Variants in KCNE1 observed in about 807,000 individuals in gnomAD.
The protein encoded by KCNE1 is potassium voltage-gated channel subfamily E member 1.
A neutral mutation model predicts 2.9 loss-of-function variants in KCNE1; 1 was observed. The ratio of observed to expected loss-of-function variants is 0.34; its 90% CI spans 0.12 to 1.62. The LOEUF (loss-of-function observed/expected upper bound fraction) is 1.62. Among genes scored for constraint, KCNE1 ranks in the 40% most tolerant of loss-of-function variants. The probability of loss-of-function intolerance (pLI) is 0.36; values close to 1 mark genes in which losing one functional copy is unlikely to be tolerated. For missense variants in KCNE1, 45 were observed against 150.5 expected (o/e 0.30, Z 3.67); for synonymous variants, 23 against 65.4 (o/e 0.35, Z 3.13).
intron 2 of KCNE1, among the ~76,000 whole-genome samples, chr21:34,502,224 C>T (rs1222159545): frequency 6.6e-6 from 1 of 152,190 alleles, no homozygotes; most frequent in East Asian, 1.9e-4. Context: ...GTAGTCTACT[C>T]CTTCCTTTTG....
chr21:34,511,406 G>A (rs1180993047), intron 1 of KCNE1, 91 bp from the exon 2 acceptor site: 12 of 505,232 alleles, frequency 2.4e-5, no homozygotes, highest in Non-Finnish European at 2.8e-5. Flanking sequence ...AGTCATGAGG[G>A]CTCCACCCTT....
Position 34,450,081 on chromosome 21 carries a change from G to A in KCNE1, c.-50-397C>T, listed in dbSNP as rs1981132113. Among the ~76,000 whole-genome samples, 2 of 93,126 alleles carry A rather than the reference G, an allele frequency of 2.1e-5. 1 individual carries two copies. The highest frequency in any genetic ancestry group is 7.9e-4 in the East Asian group (2 of 2,526). The allele number at this position is 93,126 out of a possible 152,430, so 61.1% of individuals were successfully genotyped here. On this transcript the variant is annotated intron_variant, in intron 3 of 3. Transcript: ENST00000399286. ...TTGTGGCTCACTTGCGGTGCTGGGT[G>A]TGTGCATTCCCTTGCTTCCAATGTT...
At chr21:34,507,059 A>G (rs539587587) in intron 2 of KCNE1, among the ~76,000 whole-genome samples, 5 of 152,212 alleles carry the variant, frequency 3.3e-5, no homozygotes, top group African/African-American at 1.2e-4. Context: ...ACATGGATGC[A>G]TGTTAGGAGG....
intron 2 of KCNE1, among the ~76,000 whole-genome samples, chr21:34,496,628 T>C (rs539390793): frequency 4.2e-4 from 64 of 152,228 alleles, no homozygotes; most frequent in Non-Finnish European, 8.5e-4. Context: ...AAAGAATGTT[T>C]ATTCTGCAGT....
At chr21:34,504,296 C>T (rs1983344807) in intron 2 of KCNE1, among the ~76,000 whole-genome samples, 1 of 152,162 alleles carries the variant, frequency 6.6e-6, no homozygotes, top group Non-Finnish European at 1.5e-5. Context: ...CAAACCAAAC[C>T]TAATAGCCAA....
At position 34,503,728 on chromosome 21, in the gene KCNE1, T is replaced by C. The variant is rs532606720; in HGVS notation, c.-162+7373A>G. ...ACCAAATATGTATTTCACAATATTA[T>C]AGCTGCCATCAGCCATGGGTGAGTT... is the stretch of plus-strand genomic sequence containing the variant. On this transcript the variant is annotated intron_variant, in intron 2 of 3. Transcript: ENST00000399286. 1.1e-4 allele frequency among the ~76,000 whole-genome samples: 16 copies of C among 152,372 alleles called. No homozygotes were observed. In the South Asian group the frequency reaches 1.7e-3, roughly 16 times the overall value.
At chr21:34,495,902 T>C (rs531939991) in intron 2 of KCNE1, among the ~76,000 whole-genome samples, 78 of 152,336 alleles carry the variant, frequency 5.1e-4, no homozygotes, top group African/African-American at 1.8e-3. Context: ...ATCTTTGTTA[T>C]TTCTTTTCTT....
At chr21:34,504,555 C>T (rs1434598741) in intron 2 of KCNE1, among the ~76,000 whole-genome samples, 1 of 152,192 alleles carries the variant, frequency 6.6e-6, no homozygotes, top group Non-Finnish European at 1.5e-5. Context: ...CAATTCCACT[C>T]CTACATATAT....
intron 2 of KCNE1, among the ~76,000 whole-genome samples, chr21:34,503,309 C>T (rs1389635558): frequency 6.6e-6 from 1 of 152,140 alleles, no homozygotes; most frequent in East Asian, 1.9e-4. Context: ...AATAAACAGC[C>T]AGCTGAAAGG....
chr21:34,503,533 T>G (rs1014261238), intron 2 of KCNE1, among the ~76,000 whole-genome samples: 2 of 152,042 alleles, frequency 1.3e-5, no homozygotes, highest in Middle Eastern at 3.2e-3. Context: ...CACCCTGGAG[T>G]TTGGAAGTGG....
At chr21:34,498,450 C>A (rs1982942060) in intron 2 of KCNE1, among the ~76,000 whole-genome samples, 1 of 152,238 alleles carries the variant, frequency 6.6e-6, no homozygotes, top group Non-Finnish European at 1.5e-5. Context: ...GGGAGCCAGA[C>A]TGCAGTAATT....
intron 2 of KCNE1, among the ~76,000 whole-genome samples, chr21:34,508,634 C>T (rs564501724): frequency 6.6e-5 from 10 of 152,308 alleles, no homozygotes; most frequent in Admixed American, 3.3e-4. Context: ...TGAGCCACCG[C>T]GCCCAGACTG....
chr21:34,508,053 G>T (rs1601106625), intron 2 of KCNE1, among the ~76,000 whole-genome samples: 1 of 151,956 alleles, frequency 6.6e-6, no homozygotes, highest in African/African-American at 2.4e-5. Context: ...TTGAGACAGG[G>T]TCTTGCTCTG....
chr21:34,497,404 T>A (rs994318302), intron 2 of KCNE1, among the ~76,000 whole-genome samples: 42 of 152,218 alleles, frequency 2.8e-4, no homozygotes, highest in Non-Finnish European at 8.8e-5. Flanking sequence ...AGCATTTATT[T>A]GTCTGAAAAA....
chr21:34,496,219 G>A (rs530002997), intron 2 of KCNE1, among the ~76,000 whole-genome samples: 7 of 152,034 alleles, frequency 4.6e-5, no homozygotes, highest in East Asian at 1.9e-4. Context: ...GACTACAGGC[G>A]CCTGCCACCA....
chr21:34,501,543 A>G (rs945672133), intron 2 of KCNE1, among the ~76,000 whole-genome samples: 27 of 152,212 alleles, frequency 1.8e-4, no homozygotes, highest in Admixed American at 1.6e-3. Flanking sequence ...GTATGATATC[A>G]TCCCTATTGG....
At position 34,507,162 on chromosome 21, in the gene KCNE1, G is replaced by A. The variant is rs563134877; in HGVS notation, c.-162+3939C>T. 5.9e-5 allele frequency among the ~76,000 whole-genome samples: 9 copies of A among 152,244 alleles called. No homozygotes were observed. In the South Asian group the frequency reaches 1.5e-3, roughly 25 times the overall value. On this transcript the variant is annotated intron_variant, in intron 2 of 3. Coordinates refer to ENST00000399286, the MANE Select transcript of KCNE1 (RefSeq NM_000219.6). ...GACAGTAGCGTAGAGAAGGAATGGG[G>A]GAAGCTTTGCTTATAATAAAGTGAG...
intron 2 of KCNE1, among the ~76,000 whole-genome samples, chr21:34,496,913 T>C (rs1601093486): frequency 1.3e-5 from 2 of 152,224 alleles, no homozygotes; most frequent in African/African-American, 4.8e-5. Flanking sequence ...CATTATATAA[T>C]GTCCCCCTTT....
intron 2 of KCNE1, among the ~76,000 whole-genome samples, chr21:34,500,880 T>C (rs1983127105): frequency 6.6e-6 from 1 of 152,252 alleles, no homozygotes; most frequent in Admixed American, 6.5e-5. Flanking sequence ...CAAATTCATT[T>C]CAACCAGTTT....
Sources: gnomAD v4.1 joint callset for allele counts (sites outside exome capture counted in the v4.1 genomes callset) on GRCh38, gnomAD v4.1.1 for gene constraint, MANE v1.5 for transcripts, NCBI Gene and HGNC (gene_info 2026-07-23, HGNC 2026-07-21) for gene names.